ACTR3B: variants seen among roughly 807,000 people sequenced by gnomAD.
The protein encoded by ACTR3B is actin related protein 3B.
ACTR3B carries 8 observed loss-of-function variants against 59.0 expected under a neutral mutation model. The observed-to-expected ratio is 0.14, with a 90% CI of 0.08 to 0.24. The LOEUF (loss-of-function observed/expected upper bound fraction) is 0.24. ACTR3B is among the 10% of genes least tolerant of loss of function. ACTR3B has a pLI of 1.00. For missense variants in ACTR3B, 245 were observed against 552.3 expected, an observed-to-expected ratio of 0.44 and a Z score of 5.58; for synonymous variants, 148 against 197.9, an observed-to-expected ratio of 0.75 and a Z score of 2.12.
chr7:152,823,195 G>A, intron 7 of ACTR3B, 147 bp from the exon 8 acceptor site: 1 of 1,077,800 alleles, frequency 9.3e-7, no homozygotes. Flanking sequence ...TGGAATGTGA[G>A]GCTTGATGCA....
intron 2 of ACTR3B, among the ~76,000 whole-genome samples, chr7:152,796,952 A>C (rs1279251606): frequency 7.3e-6 from 1 of 137,086 alleles, no homozygotes; most frequent in African/African-American, 2.8e-5. Flanking sequence ...TCCCAGACTT[A>C]AGCAATTTGC....
chr7:152,802,507 A>G (rs2098239765), intron 4 of ACTR3B, among the ~76,000 whole-genome samples: 1 of 147,026 alleles, frequency 6.8e-6, no homozygotes, highest in Admixed American at 6.8e-5. Context: ...TTATATACTT[A>G]ACTGATTTCA....
intron 1 of ACTR3B, among the ~76,000 whole-genome samples, chr7:152,766,278 G>A (rs2098110171): frequency 6.6e-6 from 1 of 152,216 alleles, no homozygotes; most frequent in Non-Finnish European, 1.5e-5. Flanking sequence ...GCATCAGGCT[G>A]TGACAACACG....
At position 152,823,352 on chromosome 7, in the gene ACTR3B, G is replaced by C. The variant is rs370771565; in HGVS notation, c.695G>C (p.Cys232Ser). 38 of 1,614,004 alleles carry C rather than the reference G, an allele frequency of 2.4e-5. No homozygotes were observed. Among genetic ancestry groups the C allele is most frequent in the African/African-American group, 5.3e-5 (4 of 74,932 alleles). Residue 232 changes from cysteine to serine, a missense_variant, in exon 8 of 12, where the codon TGT (cysteine) becomes TCT (serine). This residue lies in a region of ACTR3B where 153 missense variants were observed against 266.2 expected (regional missense o/e 0.57). Transcript: ENST00000256001. ...ETAKAIKEKYCYICPDIVKEF... is the reference protein window; with the variant it reads ...ETAKAIKEKYSYICPDIVKEF... ...TGTGTGTGTATGCAGGAGAAATACT[G>C]TTACATTTGCCCCGATATAGTCAAG...
At chr7:152,777,192 A>G (rs1474668339) in intron 1 of ACTR3B, among the ~76,000 whole-genome samples, 1 of 152,154 alleles carries the variant, frequency 6.6e-6, no homozygotes, top group Non-Finnish European at 1.5e-5. Context: ...ATTTACCACC[A>G]CCTTCAGTAT....
At chr7:152,838,774 A>C (rs1004068782) in intron 9 of ACTR3B, among the ~76,000 whole-genome samples, 3 of 152,184 alleles carry the variant, frequency 2.0e-5, no homozygotes, top group Non-Finnish European at 4.4e-5. Flanking sequence ...CTCTATTAGG[A>C]GATGGCAAGT....
intron 4 of ACTR3B, among the ~76,000 whole-genome samples, chr7:152,806,431 G>A (rs1165794278): frequency 6.6e-6 from 1 of 152,216 alleles, no homozygotes; most frequent in African/African-American, 2.4e-5. Flanking sequence ...TTGGCAGCAA[G>A]TAATAGAAGT....
chr7:152,828,825 G>A (rs1563138266), intron 9 of ACTR3B, among the ~76,000 whole-genome samples: 1 of 151,892 alleles, frequency 6.6e-6, no homozygotes, highest in Non-Finnish European at 1.5e-5. Context: ...GGTCAGCTGT[G>A]CTAGCCACAT....
chr7:152,795,038 T>TC (rs2098211464), intron 2 of ACTR3B, among the ~76,000 whole-genome samples: 4 of 54,142 alleles, frequency 7.4e-5, no homozygotes, highest in East Asian at 2.1e-3. Flanking sequence ...TTCACTCTCT[T>TC]TTTTTTTTTT....
intron 9 of ACTR3B, among the ~76,000 whole-genome samples, chr7:152,850,490 G>A (rs4146917): frequency 0.54 from 82,461 of 152,034 alleles, 23,913 homozygotes; most frequent in East Asian, 0.69. Flanking sequence ...CAGGTAGAAG[G>A]CCAGATCACT....
chr7:152,823,651 A>G (rs1796360072), intron 8 of ACTR3B, 136 bp downstream of exon 8: 7 of 1,116,874 alleles, frequency 6.3e-6, no homozygotes, highest in South Asian at 1.5e-5. Context: ...TCCCCTGTGC[A>G]GTTTGTCTGC....
chr7:152,816,466 A>C lies in ACTR3B; in HGVS notation c.433-15A>C. 5.8e-6 allele frequency: 9 copies of C among 1,548,082 alleles called. No homozygotes were observed. Among genetic ancestry groups the C allele is most frequent in the Non-Finnish European group, 7.8e-6 (9 of 1,147,638 alleles). On this transcript the variant is annotated splice_polypyrimidine_tract_variant and intron_variant, in intron 5 of 11. Transcript: ENST00000256001. ...GAGTTCCTATGTGCGAGCGGTTTTC[A>C]TGTCTTTTCTCCAGGCAGTGCTGGC...
chr7:152,807,664 T>C (rs1158947507), intron 4 of ACTR3B, among the ~76,000 whole-genome samples: 2 of 152,230 alleles, frequency 1.3e-5, no homozygotes, highest in Admixed American at 1.3e-4. Context: ...ATTAATATTA[T>C]TTTTGATCAT....
Position 152,759,816 on chromosome 7 carries a change from C to T in ACTR3B, c.-67C>T, listed in dbSNP as rs1183225901. 9 of 1,146,244 alleles carry T rather than the reference C, an allele frequency of 7.9e-6. No individual in the cohort carries two copies. Among genetic ancestry groups the T allele is most frequent in the Admixed American group, 4.6e-5 (1 of 21,796 alleles). 71.0% of individuals were successfully genotyped at this position (1,146,244 alleles called of 1,614,324 possible). A position where few individuals can be genotyped will look rare whatever the true frequency, so the allele number is the denominator to read the frequency against. ...AGACGCTGCGCGCGGGGCTAGCGGG[C>T]GGCGGAGCGGACGGCGACGGGGCGC... On this transcript the variant is annotated 5_prime_UTR_variant, in exon 1 of 12. Coordinates refer to ENST00000256001, the MANE Select transcript of ACTR3B (RefSeq NM_020445.6).
chr7:152,761,304 C>A (rs200386708), intron 1 of ACTR3B, among the ~76,000 whole-genome samples: 3 of 152,092 alleles, frequency 2.0e-5, no homozygotes, highest in African/African-American at 7.2e-5. Flanking sequence ...CACCTCAGGT[C>A]CCCTCAGGTC....
chr7:152,793,318 T>G (rs1404698668), intron 2 of ACTR3B, among the ~76,000 whole-genome samples: 1 of 59,382 alleles, frequency 1.7e-5, no homozygotes, highest in Non-Finnish European at 3.4e-5. Context: ...TCCCTGAGGC[T>G]CTGGGCTCTG....
At chr7:152,852,885 G>A (rs1019345733) in intron 10 of ACTR3B, among the ~76,000 whole-genome samples, 2 of 151,280 alleles carry the variant, frequency 1.3e-5, no homozygotes, top group African/African-American at 4.9e-5. Context: ...TCTGCCTCCT[G>A]GGTTCACACC....
chr7:152,853,342 G>A, intron 10 of ACTR3B, 152 bp from the exon 11 acceptor site: 3 of 664,638 alleles, frequency 4.5e-6, no homozygotes, highest in African/African-American at 1.8e-5. Context: ...TGGCAGCAGG[G>A]GCGGAGAGTC....
chr7:152,766,327 CAG>C (rs1354360319), intron 1 of ACTR3B, among the ~76,000 whole-genome samples: 1 of 152,202 alleles, frequency 6.6e-6, no homozygotes, highest in East Asian at 1.9e-4. Context: ...CTCAGAGACA[CAG>C]GGCCCAAGGT....
Sources: allele counts gnomAD v4.1 joint callset (sites outside exome capture counted in the v4.1 genomes callset), GRCh38; gene constraint gnomAD v4.1.1; regional missense constraint gnomAD v4.1.1; transcripts MANE v1.5; gene names NCBI Gene and HGNC (gene_info 2026-07-23, HGNC 2026-07-21).